SKAP1: variants seen among roughly 807,000 people sequenced by gnomAD.
SKAP1 encodes src kinase-associated phosphoprotein 1.
SKAP1 carries 44 observed loss-of-function variants against 58.5 expected under a neutral mutation model. The observed-to-expected ratio is 0.75, with a 90% CI of 0.59 to 0.97. The LOEUF (loss-of-function observed/expected upper bound fraction) is 0.97. Ranked by LOEUF, SKAP1 falls within the 50% of genes least tolerant of loss-of-function variation. The pLI, the probability that SKAP1 is intolerant of heterozygous loss-of-function variation, is 0.00. For synonymous variants in SKAP1, 127 were observed against 149.7 expected (o/e 0.85, Z 1.11); for missense variants, 390 against 435.2 (o/e 0.90, Z 0.92).
At chr17:48,186,617 T>C (rs572319485) in intron 6 of SKAP1, among the ~76,000 whole-genome samples, 4 of 152,184 alleles carry the variant, frequency 2.6e-5, no homozygotes, top group African/African-American at 4.8e-5. Context: ...TACAGGCACA[T>C]GCCACCATGC....
At chr17:48,191,263 A>G (rs1333912711) in intron 4 of SKAP1, among the ~76,000 whole-genome samples, 2 of 152,256 alleles carry the variant, frequency 1.3e-5, no homozygotes, top group African/African-American at 2.4e-5. Context: ...AATGAAAAAA[A>G]AAGCCTCTTT....
At chr17:48,351,738 C>A (rs1025825549) in intron 3 of SKAP1, among the ~76,000 whole-genome samples, 20 of 152,042 alleles carry the variant, frequency 1.3e-4, no homozygotes, top group African/African-American at 4.8e-4. Context: ...TCTTAAGAAC[C>A]TTTAGAGATA....
chr17:48,202,465 G>C, intron 4 of SKAP1, among the ~76,000 whole-genome samples: 1 of 152,190 alleles, frequency 6.6e-6, no homozygotes, highest in Non-Finnish European at 1.5e-5. Flanking sequence ...AGCAGTATGG[G>C]CTCAGAGACA....
At chr17:48,307,450 G>C (rs887824381) in intron 4 of SKAP1, 1 of 152,292 alleles carries the variant, frequency 6.6e-6, no homozygotes, top group Non-Finnish European at 1.5e-5. Flanking sequence ...AGGTCAACGT[G>C]TGACCGGCTC....
At chr17:48,250,373 C>T (rs1251938193) in intron 4 of SKAP1, among the ~76,000 whole-genome samples, 6 of 146,722 alleles carry the variant, frequency 4.1e-5, no homozygotes, top group African/African-American at 1.5e-4. Context: ...CCTCTGCCTC[C>T]TGGGTTCAAG....
intron 4 of SKAP1, among the ~76,000 whole-genome samples, chr17:48,339,628 G>A (rs925338707): frequency 1.3e-5 from 2 of 152,158 alleles, no homozygotes; most frequent in African/African-American, 4.8e-5. Flanking sequence ...AACACTCCAA[G>A]TAAAGCAGCC....
rs113720103 is a variant in SKAP1 at position 48,341,556 on chromosome 17, T to A, written c.280+4349A>T. Reference sequence around the variant, plus strand: ...ATTTCCAGAATATTCTCTATATTTTTAAATGTTCTTTTCAGAAATGGCATG... The same window carrying A: ...ATTTCCAGAATATTCTCTATATTTTAAAATGTTCTTTTCAGAAATGGCATG... On this transcript the variant is annotated intron_variant, in intron 4 of 12. Coordinates refer to ENST00000336915, the MANE Select transcript of SKAP1 (RefSeq NM_003726.4). Among the ~76,000 whole-genome samples, 610 of 152,300 alleles carry A rather than the reference T, an allele frequency of 4.0e-3. 8 individuals are homozygous for A. The highest frequency in any genetic ancestry group is 0.014 in the African/African-American group (584 of 41,568).
intron 11 of SKAP1, among the ~76,000 whole-genome samples, chr17:48,153,481 C>A (rs1323244109): frequency 6.6e-6 from 1 of 152,194 alleles, no homozygotes. Context: ...AACTCCGTTG[C>A]CTCCCATAGG....
chr17:48,143,841 C>T (rs1427545608), intron 11 of SKAP1, among the ~76,000 whole-genome samples: 1 of 152,200 alleles, frequency 6.6e-6, no homozygotes, highest in Admixed American at 6.5e-5. Flanking sequence ...TTGTTCAACG[C>T]TCCTAACTTT....
chr17:48,217,642 T>C (rs1217460460), intron 4 of SKAP1, among the ~76,000 whole-genome samples: 1 of 152,024 alleles, frequency 6.6e-6, no homozygotes, highest in Non-Finnish European at 1.5e-5. Flanking sequence ...GAAGATATTG[T>C]CTCTAAATAA....
intron 4 of SKAP1, among the ~76,000 whole-genome samples, chr17:48,227,337 G>C (rs2065081158): frequency 6.6e-6 from 1 of 152,202 alleles, no homozygotes; most frequent in Non-Finnish European, 1.5e-5. Context: ...TGATTTATCT[G>C]CAGTTTGGTC....
intron 4 of SKAP1, among the ~76,000 whole-genome samples, chr17:48,251,234 C>T (rs925026440): frequency 4.6e-5 from 7 of 152,130 alleles, no homozygotes; most frequent in Non-Finnish European, 8.8e-5. Flanking sequence ...TTATTTCTTC[C>T]GTTAAAGTCT....
At chr17:48,204,956 C>CTT (rs2064775630) in intron 4 of SKAP1, among the ~76,000 whole-genome samples, 1 of 85,146 alleles carries the variant, frequency 1.2e-5, no homozygotes, top group African/African-American at 4.3e-5. Flanking sequence ...TCCCTCCTTC[C>CTT]TCTTTCTTTT....
At chr17:48,403,851 C>G (rs1426356193) in intron 1 of SKAP1, among the ~76,000 whole-genome samples, 1 of 152,156 alleles carries the variant, frequency 6.6e-6, no homozygotes, top group Non-Finnish European at 1.5e-5. Flanking sequence ...CTTTGGGAGG[C>G]AGAGGCGGGC....
intron 10 of SKAP1, among the ~76,000 whole-genome samples, chr17:48,167,894 G>C (rs1344005313): frequency 6.6e-6 from 1 of 152,164 alleles, no homozygotes; most frequent in Non-Finnish European, 1.5e-5. Context: ...AAGGTGATAA[G>C]TTCTCATTAC....
chr17:48,307,242 T>C (rs1280234424), intron 4 of SKAP1: 1 of 152,210 alleles, frequency 6.6e-6, no homozygotes, highest in African/African-American at 2.4e-5. Context: ...AGGGGCAAAA[T>C]GCATTTTGGT....
chr17:48,187,632 CTT>C (rs2064475801), intron 6 of SKAP1, among the ~76,000 whole-genome samples: 1 of 152,048 alleles, frequency 6.6e-6, no homozygotes, highest in Admixed American at 6.5e-5. Context: ...TGACCACACT[CTT>C]AGTGTTTAAA....
chr17:48,274,976 T>C (rs1317043095), intron 4 of SKAP1, among the ~76,000 whole-genome samples: 1 of 152,190 alleles, frequency 6.6e-6, no homozygotes, highest in African/African-American at 2.4e-5. Context: ...TCCTAGATAA[T>C]GCTCCATCAT....
intron 1 of SKAP1, among the ~76,000 whole-genome samples, chr17:48,414,141 A>G (rs1469154104): frequency 2.6e-4 from 40 of 152,248 alleles, no homozygotes; most frequent in Admixed American, 2.6e-3. Flanking sequence ...CAAAGAATAT[A>G]GACTTAAATA....
Sources: allele counts gnomAD v4.1 joint callset (sites outside exome capture counted in the v4.1 genomes callset), GRCh38; gene constraint gnomAD v4.1.1; transcripts MANE v1.5; gene names NCBI Gene and HGNC (gene_info 2026-07-23, HGNC 2026-07-21).